Variants in TMEM132C observed in about 807,000 individuals in gnomAD.
TMEM132C encodes transmembrane protein 132C, also known as protein phosphatase 1, regulatory subunit 152.
Under a neutral mutation model 61.4 loss-of-function variants are expected in TMEM132C, and 29 were observed. The ratio of observed to expected loss-of-function variants is 0.47; its 90% CI spans 0.35 to 0.64. The LOEUF is 0.64. TMEM132C is among the 30% of genes least tolerant of loss of function. TMEM132C has a pLI of 0.00. For synonymous variants in TMEM132C, 656 were observed against 633.1 expected (o/e 1.04, Z -0.54); for missense variants, 1,408 against 1,476.9 (o/e 0.95, Z 0.76).
intron 1 of TMEM132C, among the ~76,000 whole-genome samples, chr12:128,322,185 C>T (rs537463952): frequency 1.3e-5 from 2 of 152,222 alleles, no homozygotes; most frequent in African/African-American, 4.8e-5. Context: ...GTTGCTTGCC[C>T]TTGGAACCCA....
intron 3 of TMEM132C, among the ~76,000 whole-genome samples, chr12:128,555,036 T>C (rs1293579492): frequency 2.6e-5 from 4 of 152,156 alleles, no homozygotes; most frequent in African/African-American, 9.7e-5. Context: ...AAGCAGCTGC[T>C]GCATCCCCAA....
chr12:128,337,699 G>A (rs1332108271), intron 1 of TMEM132C, among the ~76,000 whole-genome samples: 1 of 152,138 alleles, frequency 6.6e-6, no homozygotes, highest in Non-Finnish European at 1.5e-5. Flanking sequence ...TTTGTTCCCT[G>A]CAGACCTTTG....
At chr12:128,533,394 T>C (rs1238130997) in intron 2 of TMEM132C, among the ~76,000 whole-genome samples, 1 of 152,106 alleles carries the variant, frequency 6.6e-6, no homozygotes, top group Non-Finnish European at 1.5e-5. Flanking sequence ...AGCAACTGTA[T>C]CCATTTTCTA....
At position 128,274,473 on chromosome 12, in the gene TMEM132C, C is replaced by T. The variant is rs60110778; in HGVS notation, c.85+6986C>T. ...TCCACCAGTTCCTGGATGAATTGGT[C>T]AGAAGTCTTTGGTTGTTAGCAACAG... On this transcript the variant is annotated intron_variant, in intron 1 of 8. Transcript: ENST00000435159. 7.9e-3 allele frequency among the ~76,000 whole-genome samples: 1,197 copies of T among 152,246 alleles called. 19 individuals carry two copies. The highest frequency in any genetic ancestry group is 0.026 in the African/African-American group (1,073 of 41,536).
intron 1 of TMEM132C, among the ~76,000 whole-genome samples, chr12:128,275,271 A>G (rs11059619): frequency 0.12 from 18,160 of 152,208 alleles, 1,325 homozygotes; most frequent in East Asian, 0.26. Context: ...CTGAATTTAT[A>G]GCTGCTCCCC....
chr12:128,334,817 C>T (rs181229691), intron 1 of TMEM132C, among the ~76,000 whole-genome samples: 55 of 152,096 alleles, frequency 3.6e-4, no homozygotes, highest in African/African-American at 1.0e-3. Flanking sequence ...AGGAGGGTCT[C>T]GATCTCCTGA....
At chr12:128,676,459 A>G (rs185192426) in intron 5 of TMEM132C, among the ~76,000 whole-genome samples, 2 of 152,304 alleles carry the variant, frequency 1.3e-5, no homozygotes, top group African/African-American at 4.8e-5. Flanking sequence ...AATGTATAAA[A>G]TTTGTCTACA....
intron 3 of TMEM132C, among the ~76,000 whole-genome samples, chr12:128,604,603 G>T (rs1459331523): frequency 6.6e-6 from 1 of 151,684 alleles, no homozygotes; most frequent in African/African-American, 2.4e-5. Flanking sequence ...AGGGATAGAT[G>T]GCTAGATAGA....
At chr12:128,352,205 T>A (rs1429145762) in intron 1 of TMEM132C, among the ~76,000 whole-genome samples, 1 of 152,124 alleles carries the variant, frequency 6.6e-6, no homozygotes, top group Non-Finnish European at 1.5e-5. Context: ...TTTAATTGAC[T>A]CACAGTTCCA....
At position 128,652,527 on chromosome 12, in the gene TMEM132C, G is replaced by A. The variant is rs371516445; in HGVS notation, c.1306-16890G>A. Among the ~76,000 whole-genome samples the A allele has an allele frequency of 2.3e-4, 35 of 152,338 alleles. No homozygotes were observed. The South Asian group carries it at 6.2e-3, about 27-fold the overall frequency. On this transcript the variant is annotated intron_variant, in intron 4 of 8. Coordinates refer to ENST00000435159, the MANE Select transcript of TMEM132C (RefSeq NM_001136103.3). ...CACCATCCAAGAACGTTTACAGCTCGGAACACAGAGTTCTCGGAGCCACAA... is the reference window on the plus strand; with the variant it reads ...CACCATCCAAGAACGTTTACAGCTCAGAACACAGAGTTCTCGGAGCCACAA...
Position 128,695,890 on chromosome 12 carries a change from G to A in TMEM132C, c.1716G>A (p.Leu572=). The part of the protein sequence containing the change: ...EEERRGRGCA[L]QYQHATVRVL... The stretch of plus-strand genomic sequence containing the variant: ...AGCGGCGGGGCCGGGGCTGCGCACT[G>A]CAATACCAGCACGCCACCGTGCGGG... The change falls in exon 7 of 9, where the codon CTG becomes CTA. Residue 572 remains leucine, a synonymous_variant. Coordinates refer to ENST00000435159, the MANE Select transcript of TMEM132C (RefSeq NM_001136103.3). 4 of 1,551,388 alleles carry A rather than the reference G, an allele frequency of 2.6e-6. No homozygotes were observed. Among genetic ancestry groups the A allele is most frequent in the Non-Finnish European group, 3.5e-6 (4 of 1,146,982 alleles).
At chr12:128,424,046 CA>C (rs144980387) in intron 2 of TMEM132C, among the ~76,000 whole-genome samples, 6,964 of 72,484 alleles carry the variant, frequency 0.096, 88 homozygotes, top group South Asian at 0.21. Flanking sequence ...GACTCTGTCT[CA>C]AAAAAAAAAA....
chr12:128,564,601 G>A (rs1489707848), intron 3 of TMEM132C, among the ~76,000 whole-genome samples: 9 of 152,212 alleles, frequency 5.9e-5, no homozygotes, highest in Admixed American at 4.6e-4. Context: ...AGAAAACAAT[G>A]TAAGTGCAGT....
At chr12:128,342,966 C>A (rs1478839684) in intron 1 of TMEM132C, among the ~76,000 whole-genome samples, 1 of 152,198 alleles carries the variant, frequency 6.6e-6, no homozygotes, top group Non-Finnish European at 1.5e-5. Flanking sequence ...TTCTGAACAT[C>A]CTTTGATCGT....
At chr12:128,689,073 C>T (rs1954699842) in intron 5 of TMEM132C, among the ~76,000 whole-genome samples, 1 of 152,126 alleles carries the variant, frequency 6.6e-6, no homozygotes, top group Admixed American at 6.5e-5. Flanking sequence ...CCGCCTCAGC[C>T]TCCCAAAGTG....
intron 8 of TMEM132C, among the ~76,000 whole-genome samples, chr12:128,701,385 G>T (rs1954802519): frequency 6.6e-6 from 1 of 152,232 alleles, no homozygotes. Flanking sequence ...TGTTGGCCAG[G>T]GCTTACCAAC....
At chr12:128,487,533 C>A (rs952297131) in intron 2 of TMEM132C, among the ~76,000 whole-genome samples, 8 of 151,000 alleles carry the variant, frequency 5.3e-5, no homozygotes, top group African/African-American at 9.7e-5. Context: ...CAAGCACACA[C>A]GTGAAAGGCG....
chr12:128,619,544 C>T (rs192780193), intron 4 of TMEM132C, among the ~76,000 whole-genome samples: 8 of 152,334 alleles, frequency 5.3e-5, no homozygotes, highest in East Asian at 1.9e-4. Context: ...CCGTTTTGCT[C>T]GTCCTGCCTC....
At chr12:128,636,849 G>C in intron 4 of TMEM132C, among the ~76,000 whole-genome samples, 1 of 152,046 alleles carries the variant, frequency 6.6e-6, no homozygotes, top group East Asian at 1.9e-4. Flanking sequence ...CCTATGAATG[G>C]AATCATGCAG....
Sources: allele counts gnomAD v4.1 joint callset (sites outside exome capture counted in the v4.1 genomes callset), GRCh38; gene constraint gnomAD v4.1.1; transcripts MANE v1.5; gene names NCBI Gene and HGNC (gene_info 2026-07-23, HGNC 2026-07-21).